The following CSMD1 variants were observed in gnomAD, a reference collection of about 807,000 sequenced individuals.
CSMD1 encodes CUB and Sushi multiple domains 1.
CSMD1 carries 213 observed loss-of-function variants against 417.5 expected under a neutral mutation model. The observed-to-expected ratio is 0.51, with a 90% CI of 0.46 to 0.57. The LOEUF (loss-of-function observed/expected upper bound fraction) is 0.57. Ranked by LOEUF, CSMD1 falls within the 20% of genes least tolerant of loss-of-function variation. CSMD1 has a pLI of 0.00. For synonymous variants in CSMD1, 2,862 were observed against 1,736.8 expected, an observed-to-expected ratio of 1.65 and a Z score of -16.11; for missense variants, 6,923 against 4,529.7, an observed-to-expected ratio of 1.53 and a Z score of -15.17.
intron 5 of CSMD1, among the ~76,000 whole-genome samples, chr8:3,828,742 C>T (rs141293109): frequency 1.3e-5 from 2 of 152,250 alleles, no homozygotes; most frequent in East Asian, 1.9e-4. Flanking sequence ...ACCAGAGAGA[C>T]CTTACTAAAC....
chr8:4,644,159 T>A (rs1803372253), intron 1 of CSMD1, among the ~76,000 whole-genome samples: 1 of 151,948 alleles, frequency 6.6e-6, no homozygotes, highest in Admixed American at 6.6e-5. Flanking sequence ...GAACCAGGAG[T>A]ACCCGGTTTG....
intron 7 of CSMD1, among the ~76,000 whole-genome samples, chr8:3,656,140 A>C: frequency 6.6e-6 from 1 of 152,190 alleles, no homozygotes; most frequent in East Asian, 1.9e-4. Context: ...TTGGGGCGAA[A>C]GCCTCTTTAG....
chr8:3,852,599 T>G (rs1270463121), intron 5 of CSMD1, among the ~76,000 whole-genome samples: 2 of 152,090 alleles, frequency 1.3e-5, no homozygotes. Flanking sequence ...GTCAGCTATC[T>G]CAGCATTCAC....
At chr8:4,352,153 T>G (rs1801136079) in intron 3 of CSMD1, among the ~76,000 whole-genome samples, 2 of 152,150 alleles carry the variant, frequency 1.3e-5, no homozygotes, top group Admixed American at 6.5e-5. Flanking sequence ...CAGAATATCA[T>G]TTTTATATTA....
chr8:3,062,048 A>G (rs557785942), intron 49 of CSMD1, among the ~76,000 whole-genome samples: 2 of 152,176 alleles, frequency 1.3e-5, no homozygotes, highest in Non-Finnish European at 2.9e-5. Flanking sequence ...ATGTCCACCT[A>G]TCAACATTCA....
At chr8:4,236,903 G>A (rs931899654) in intron 3 of CSMD1, among the ~76,000 whole-genome samples, 3 of 152,172 alleles carry the variant, frequency 2.0e-5, no homozygotes, top group Non-Finnish European at 2.9e-5. Flanking sequence ...TCAATTTCCA[G>A]GCCTCTCAGC....
chr8:4,074,418 G>GT (rs1265549390), intron 3 of CSMD1, among the ~76,000 whole-genome samples: 3 of 152,006 alleles, frequency 2.0e-5, no homozygotes, highest in African/African-American at 4.8e-5. Context: ...ATATATTTAA[G>GT]TTTTTTGTAC....
At chr8:4,617,600 C>G (rs1411465000) in intron 2 of CSMD1, among the ~76,000 whole-genome samples, 1 of 152,100 alleles carries the variant, frequency 6.6e-6, no homozygotes, top group East Asian at 1.9e-4. Flanking sequence ...TTAGAAGCAC[C>G]TGGTTATAAA....
chr8:4,965,160 C>A (rs573285152), intron 1 of CSMD1, among the ~76,000 whole-genome samples: 11 of 152,136 alleles, frequency 7.2e-5, no homozygotes, highest in Non-Finnish European at 1.6e-4. Context: ...AGATAGCATA[C>A]AGATATCATG....
intron 23 of CSMD1, among the ~76,000 whole-genome samples, chr8:3,335,118 C>A (rs1318833495): frequency 1.3e-5 from 2 of 152,170 alleles, no homozygotes; most frequent in Non-Finnish European, 2.9e-5. Context: ...GAGGTGCCTG[C>A]AGTCAATGGT....
intron 25 of CSMD1, among the ~76,000 whole-genome samples, chr8:3,306,676 T>A (rs566887789): frequency 6.6e-6 from 1 of 152,196 alleles, no homozygotes; most frequent in South Asian, 2.1e-4. Context: ...AAAGGTTAAT[T>A]GAAGGAAAAA....
chr8:4,196,029 G>C (rs1238851508), intron 3 of CSMD1, among the ~76,000 whole-genome samples: 1 of 152,010 alleles, frequency 6.6e-6, no homozygotes, highest in Non-Finnish European at 1.5e-5. Flanking sequence ...GGCTAACACA[G>C]TGAAACCTCG....
At chr8:4,492,724 C>T (rs532844917) in intron 2 of CSMD1, among the ~76,000 whole-genome samples, 293 of 152,282 alleles carry the variant, frequency 1.9e-3, no homozygotes, top group Middle Eastern at 0.01. Context: ...CCCATGGAAA[C>T]TGACCATGGG....
chr8:4,342,535 G>A (rs1470473376), intron 3 of CSMD1, among the ~76,000 whole-genome samples: 1 of 151,996 alleles, frequency 6.6e-6, no homozygotes, highest in Non-Finnish European at 1.5e-5. Context: ...TTTTCCTGAT[G>A]TATGACATTT....
intron 3 of CSMD1, among the ~76,000 whole-genome samples, chr8:4,036,955 G>C (rs1258678289): frequency 3.7e-5 from 4 of 107,408 alleles, no homozygotes; most frequent in African/African-American, 1.6e-4. Context: ...GGTGAGTGTG[G>C]GGTGTGTGTG....
At chr8:3,800,352 C>T (rs749228505) in intron 5 of CSMD1, among the ~76,000 whole-genome samples, 23 of 151,830 alleles carry the variant, frequency 1.5e-4, no homozygotes, top group East Asian at 3.9e-4. Context: ...ATTATTGTTC[C>T]GGAAGTGTTT....
chr8:4,364,410 C>T (rs192876908), intron 3 of CSMD1, among the ~76,000 whole-genome samples: 3 of 152,100 alleles, frequency 2.0e-5, no homozygotes, highest in Non-Finnish European at 4.4e-5. Context: ...CATTATTGCC[C>T]TAGTCCATAC....
chr8:3,957,521 A>C (rs747069011), intron 5 of CSMD1, among the ~76,000 whole-genome samples: 48 of 152,040 alleles, frequency 3.2e-4, no homozygotes, highest in Non-Finnish European at 6.0e-4. Context: ...ATAAAAAATA[A>C]AATTTTAAAA....
At chr8:3,344,684 T>A (rs1193004279) in intron 22 of CSMD1, among the ~76,000 whole-genome samples, 1 of 152,224 alleles carries the variant, frequency 6.6e-6, no homozygotes, top group South Asian at 2.1e-4. Flanking sequence ...TCCAATGTGT[T>A]TGTCTATTTT....
Sources: gnomAD v4.1 joint callset for allele counts (sites outside exome capture counted in the v4.1 genomes callset) on GRCh38, gnomAD v4.1.1 for gene constraint, MANE v1.5 for transcripts, NCBI Gene and HGNC (gene_info 2026-07-23, HGNC 2026-07-21) for gene names.